SYNE2: variants seen among roughly 807,000 people sequenced by gnomAD.
SYNE2 encodes the protein nesprin-2.
In SYNE2, 431 loss-of-function variants were observed where a neutral mutation model predicts 856.3. The ratio of observed to expected loss-of-function variants is 0.50; its 90% CI spans 0.47 to 0.55. The LOEUF is 0.55. Ranked by LOEUF, SYNE2 falls within the 20% of genes least tolerant of loss-of-function variation. The probability of loss-of-function intolerance (pLI) is 0.00; values close to 1 mark genes in which losing one functional copy is unlikely to be tolerated. For missense variants in SYNE2, 8,129 were observed against 8,023.2 expected, an observed-to-expected ratio of 1.01 and a Z score of -0.50; for synonymous variants, 2,923 against 2,872.3, an observed-to-expected ratio of 1.02 and a Z score of -0.56.
At chr14:63,809,045 A>C (rs1888502549) in intron 1 of SYNE2, among the ~76,000 whole-genome samples, 1 of 152,034 alleles carries the variant, frequency 6.6e-6, no homozygotes, top group Non-Finnish European at 1.5e-5. Flanking sequence ...AACAAACGAG[A>C]AAGTGGAGAG....
rs190252155 is a variant in SYNE2, at chr14:64,077,679, A to G, written c.11023-787A>G. Reference sequence around the variant, plus strand: ...ACAAAACAAAGGATTATACAAAAGCATAAAGTATTATTTGGTTATTTAGTA... The same window carrying G: ...ACAAAACAAAGGATTATACAAAAGCGTAAAGTATTATTTGGTTATTTAGTA... On this transcript the variant is annotated intron_variant, in intron 54 of 115. Coordinates refer to ENST00000555002, the MANE Select transcript of SYNE2 (RefSeq NM_182914.3). 2.0e-5 allele frequency among the ~76,000 whole-genome samples: 3 copies of G among 152,304 alleles called. No individual in the cohort carries two copies. In the East Asian group the frequency reaches 5.8e-4, roughly 29 times the overall value.
intron 1 of SYNE2, among the ~76,000 whole-genome samples, chr14:63,788,654 G>C (rs923461504): frequency 6.6e-6 from 1 of 152,210 alleles, no homozygotes; most frequent in Non-Finnish European, 1.5e-5. Flanking sequence ...AAGGAGGGGG[G>C]TTCCTGCCTG....
intron 62 of SYNE2, 190 bp from the exon 63 acceptor site, chr14:64,098,557 C>G (rs78352154): frequency 1.5e-6 from 1 of 650,766 alleles, no homozygotes; most frequent in Non-Finnish European, 2.7e-6. Flanking sequence ...AATAACAAGA[C>G]CTAAGGTTTG....
At chr14:63,981,233 C>T in intron 16 of SYNE2, 60 bp downstream of exon 16, 2 of 1,403,686 alleles carry the variant, frequency 1.4e-6, no homozygotes, top group Admixed American at 3.4e-5. Flanking sequence ...ATTTTGTGAC[C>T]CTCATTTTCA....
chr14:64,194,347 C>G (rs1326377735), intron 99 of SYNE2, among the ~76,000 whole-genome samples: 1 of 151,620 alleles, frequency 6.6e-6, no homozygotes, highest in African/African-American at 2.4e-5. Context: ...GGCTGGAATA[C>G]AGTGGCACAG....
At chr14:63,813,280 A>G (rs1218661916) in intron 1 of SYNE2, among the ~76,000 whole-genome samples, 1 of 152,256 alleles carries the variant, frequency 6.6e-6, no homozygotes, top group Non-Finnish European at 1.5e-5. Context: ...GGCAGAAATG[A>G]GAGTGAATGT....
At chr14:63,796,725 A>G (rs1887928903) in intron 1 of SYNE2, among the ~76,000 whole-genome samples, 1 of 151,960 alleles carries the variant, frequency 6.6e-6, no homozygotes, top group African/African-American at 2.4e-5. Flanking sequence ...CTTAGAAAAG[A>G]TATAACTCAG....
intron 57 of SYNE2, among the ~76,000 whole-genome samples, chr14:64,086,229 A>G (rs2097560308): frequency 1.3e-5 from 2 of 152,126 alleles, no homozygotes; most frequent in Admixed American, 1.3e-4. Context: ...TTCCATGGGG[A>G]TATCCAATTG....
intron 1 of SYNE2, among the ~76,000 whole-genome samples, chr14:63,783,471 G>A (rs747143674): frequency 6.6e-6 from 1 of 152,008 alleles, no homozygotes; most frequent in African/African-American, 2.4e-5. Flanking sequence ...TCCGCCTCCC[G>A]GGTTCAAGGA....
At chr14:63,900,122 G>A (rs1408428996) in intron 1 of SYNE2, among the ~76,000 whole-genome samples, 1 of 152,164 alleles carries the variant, frequency 6.6e-6, no homozygotes, top group Non-Finnish European at 1.5e-5. Flanking sequence ...CATTTCCTCA[G>A]GATGTTCTGA....
At chr14:63,951,296 C>T (rs910822476) in intron 7 of SYNE2, among the ~76,000 whole-genome samples, 1 of 151,916 alleles carries the variant, frequency 6.6e-6, no homozygotes, top group African/African-American at 2.4e-5. Flanking sequence ...CTGCTTTCAG[C>T]CTTACTTTTC....
At chr14:63,796,392 G>A (rs1335809800) in intron 1 of SYNE2, among the ~76,000 whole-genome samples, 1 of 152,142 alleles carries the variant, frequency 6.6e-6, no homozygotes, top group African/African-American at 2.4e-5. Context: ...GGGAAGCAGA[G>A]GTTACAGTAA....
At chr14:63,832,810 C>T (rs928456244) in intron 1 of SYNE2, among the ~76,000 whole-genome samples, 1 of 140,358 alleles carries the variant, frequency 7.1e-6, no homozygotes, top group Admixed American at 8.0e-5. Context: ...GGGAGGTTAG[C>T]TTGAACCCAG....
chr14:64,195,036 G>C (rs1285024528), intron 99 of SYNE2, among the ~76,000 whole-genome samples: 1 of 152,152 alleles, frequency 6.6e-6, no homozygotes, highest in Non-Finnish European at 1.5e-5. Context: ...AGACACAGGT[G>C]GGGCTGTGTC....
In SYNE2 at chr14:63,996,942, A is replaced by G; in HGVS notation, c.2941-5A>G. The G allele has an allele frequency of 1.2e-6, 2 of 1,613,920 alleles. No homozygotes were observed. The highest frequency in any genetic ancestry group is 1.7e-6 in the Non-Finnish European group (2 of 1,179,912). On this transcript the variant is annotated splice_region_variant and splice_polypyrimidine_tract_variant and intron_variant, in intron 23 of 115. Transcript: ENST00000555002. ...GCACATTTCCTGCTTTATTTCTTCA[A>G]TTAGGCCTGCTTTTCTGAGGAAGGC...
intron 45 of SYNE2, among the ~76,000 whole-genome samples, chr14:64,044,330 A>T (rs1379422196): frequency 6.6e-6 from 1 of 152,154 alleles, no homozygotes; most frequent in Admixed American, 6.5e-5. Context: ...TCCCATTTGG[A>T]ACAGCTGAAT....
intron 45 of SYNE2, among the ~76,000 whole-genome samples, chr14:64,041,076 A>G (rs572071750): frequency 6.6e-6 from 1 of 152,282 alleles, no homozygotes; most frequent in South Asian, 2.1e-4. Context: ...CTGTCAACCT[A>G]AGAGAAAATA....
Position 63,991,109 on chromosome 14 carries a change from A to C in SYNE2, c.2640A>C (p.Lys880Asn). 1 of 1,614,062 alleles carries C rather than the reference A, an allele frequency of 6.2e-7. No homozygotes were observed. Among genetic ancestry groups the C allele is most frequent in the Non-Finnish European group, 8.5e-7 (1 of 1,179,956 alleles). Reference sequence around the variant, plus strand: ...AGAGCCCCGGTGAACTCATTTCAAAACACAAGGTGGGAATCTTTTCAACCA... The same window carrying C: ...AGAGCCCCGGTGAACTCATTTCAAACCACAAGGTGGGAATCTTTTCAACCA... ...QRESPGELISKHKEALIISNT... is the reference protein window; with the variant it reads ...QRESPGELISNHKEALIISNT... Residue 880 changes from lysine to asparagine, a missense_variant, in exon 21 of 116, where the codon AAA (lysine) becomes AAC (asparagine). By Grantham distance (94) the Lys-to-Asn change is moderately conservative (BLOSUM62 0). Transcript: ENST00000555002.
At chr14:63,797,899 T>G (rs1887981850) in intron 1 of SYNE2, among the ~76,000 whole-genome samples, 1 of 152,274 alleles carries the variant, frequency 6.6e-6, no homozygotes, top group Non-Finnish European at 1.5e-5. Flanking sequence ...GAACCAGTCA[T>G]GTATTCCACA....
Sources: allele counts gnomAD v4.1 joint callset (sites outside exome capture counted in the v4.1 genomes callset), GRCh38; gene constraint gnomAD v4.1.1; transcripts MANE v1.5; gene names NCBI Gene and HGNC (gene_info 2026-07-23, HGNC 2026-07-21).